RBFOX1: variants seen among roughly 807,000 people sequenced by gnomAD.
RBFOX1 encodes the protein RNA binding protein fox-1 homolog 1.
A neutral mutation model predicts 57.7 loss-of-function variants in RBFOX1; 8 were observed. The observed-to-expected ratio is 0.14, with a 90% CI of 0.08 to 0.25. The LOEUF (loss-of-function observed/expected upper bound fraction) is 0.25. RBFOX1 is among the 10% of genes least tolerant of loss of function. The probability of loss-of-function intolerance (pLI) is 1.00; values close to 1 mark genes in which losing one functional copy is unlikely to be tolerated. For synonymous variants in RBFOX1, 326 were observed against 222.4 expected (o/e 1.47, Z -4.15); for missense variants, 611 against 548.5 (o/e 1.11, Z -1.14).
At chr16:7,606,669 A>G (rs1596385642) in intron 9 of RBFOX1, among the ~76,000 whole-genome samples, 1 of 152,328 alleles carries the variant, frequency 6.6e-6, no homozygotes, top group East Asian at 1.9e-4. Flanking sequence ...CATTAATCAT[A>G]TATACAGATT....
intron 3 of RBFOX1, among the ~76,000 whole-genome samples, chr16:6,871,491 A>G (rs1272893778): frequency 6.6e-6 from 1 of 151,926 alleles, no homozygotes; most frequent in Non-Finnish European, 1.5e-5. Context: ...CGGCCTCAAA[A>G]TCACTCTTGA....
intron 4 of RBFOX1, among the ~76,000 whole-genome samples, chr16:7,349,417 C>T (rs1248055872): frequency 2.0e-5 from 3 of 152,206 alleles, no homozygotes; most frequent in African/African-American, 4.8e-5. Flanking sequence ...CAAAGTATAA[C>T]ATTTTTCCTT....
At chr16:5,463,850 A>G (rs962140844) in intron 1 of RBFOX1, among the ~76,000 whole-genome samples, 1 of 152,142 alleles carries the variant, frequency 6.6e-6, no homozygotes. Context: ...GGCAACAGCA[A>G]GATTACAACA....
chr16:6,109,034 A>G (rs914141408), intron 1 of RBFOX1, among the ~76,000 whole-genome samples: 1 of 152,220 alleles, frequency 6.6e-6, no homozygotes, highest in African/African-American at 2.4e-5. Context: ...GGTGGCGATT[A>G]TTCAGCTTAA....
chr16:5,740,267 G>A (rs1431939258), intron 3 of RBFOX1, among the ~76,000 whole-genome samples: 2 of 152,292 alleles, frequency 1.3e-5, no homozygotes, highest in East Asian at 1.9e-4. Context: ...TCAGAAGTGA[G>A]AGGAGCAAAG....
At chr16:5,680,647 G>C (rs919005554) in intron 3 of RBFOX1, among the ~76,000 whole-genome samples, 2 of 152,218 alleles carry the variant, frequency 1.3e-5, no homozygotes, top group Non-Finnish European at 2.9e-5. Flanking sequence ...AGGAGAAATA[G>C]TTGAGAGGGA....
intron 3 of RBFOX1, among the ~76,000 whole-genome samples, chr16:6,946,996 C>T (rs950015903): frequency 2.6e-5 from 4 of 152,140 alleles, no homozygotes; most frequent in African/African-American, 9.7e-5. Context: ...AGTTTCCTAG[C>T]CCTGTTGGGT....
chr16:7,662,127 GCCT>G (rs2067917674), intron 12 of RBFOX1, among the ~76,000 whole-genome samples: 1 of 152,192 alleles, frequency 6.6e-6, no homozygotes, highest in Non-Finnish European at 1.5e-5. Flanking sequence ...CGTTGGAACA[GCCT>G]CCAAGGCCTG....
intron 1 of RBFOX1, among the ~76,000 whole-genome samples, chr16:5,405,776 C>T (rs1768448096): frequency 6.6e-6 from 1 of 152,132 alleles, no homozygotes; most frequent in South Asian, 2.1e-4. Flanking sequence ...CCAGTGATTG[C>T]TTTGGGTGTG....
intron 7 of RBFOX1, among the ~76,000 whole-genome samples, chr16:7,591,361 A>G (rs1262748045): frequency 1.3e-5 from 2 of 152,190 alleles, no homozygotes; most frequent in Non-Finnish European, 2.9e-5. Flanking sequence ...ATGAAAAATC[A>G]GTACCTTCAT....
intron 1 of RBFOX1, among the ~76,000 whole-genome samples, chr16:5,355,079 G>A (rs117765033): frequency 5.6e-4 from 85 of 151,900 alleles, no homozygotes; most frequent in South Asian, 1.1e-3. Flanking sequence ...AGAAATAAGA[G>A]AGAATAAAAG....
At chr16:6,655,157 T>G (rs1568068494) in intron 3 of RBFOX1, among the ~76,000 whole-genome samples, 1 of 151,508 alleles carries the variant, frequency 6.6e-6, no homozygotes, top group Admixed American at 6.6e-5. Context: ...GTGGATCATC[T>G]GAGGTCAGGA....
intron 2 of RBFOX1, among the ~76,000 whole-genome samples, chr16:6,566,537 C>T (rs149960202): frequency 3.3e-5 from 5 of 152,236 alleles, no homozygotes; most frequent in African/African-American, 1.2e-4. Flanking sequence ...AAACCATAGG[C>T]TGCTTATCCC....
chr16:7,286,616 A>ATTTTTT (rs61621368), intron 4 of RBFOX1, among the ~76,000 whole-genome samples: 4 of 90,922 alleles, frequency 4.4e-5, no homozygotes, highest in Non-Finnish European at 8.3e-5. Flanking sequence ...GGACTGGCTA[A>ATTTTTT]TTTTTTTTTT....
chr16:7,208,003 A>G (rs963533438), intron 4 of RBFOX1, among the ~76,000 whole-genome samples: 3 of 152,094 alleles, frequency 2.0e-5, no homozygotes, highest in African/African-American at 7.2e-5. Flanking sequence ...TCTTTTTTCC[A>G]TCACTCACTG....
intron 2 of RBFOX1, among the ~76,000 whole-genome samples, chr16:6,436,070 T>C (rs1854513329): frequency 6.6e-6 from 1 of 152,182 alleles, no homozygotes; most frequent in Admixed American, 6.5e-5. Context: ...AGAAAAACTC[T>C]GGCTCCTGGA....
At chr16:7,337,924 C>G (rs892924358) in intron 4 of RBFOX1, among the ~76,000 whole-genome samples, 3 of 152,234 alleles carry the variant, frequency 2.0e-5, no homozygotes, top group Non-Finnish European at 2.9e-5. Context: ...ACCTCATGAT[C>G]TGCCCGCCTT....
In RBFOX1 at chr16:5,470,305, G is replaced by C. The variant is rs78058992; in HGVS notation, c.258+3051G>C. The stretch of plus-strand genomic sequence containing the variant: ...AGGAGATCGAGGGAAGGGGAGACAG[G>C]CTCTTCTCACCTAGAGGGACCAAAT... On this transcript the variant is annotated intron_variant, in intron 2 of 2. Transcript: ENST00000585867. Among the ~76,000 whole-genome samples, 35 of 152,276 alleles carry C rather than the reference G, an allele frequency of 2.3e-4. No homozygotes were observed. The East Asian group carries it at 6.6e-3, about 29-fold the overall frequency.
At chr16:6,000,433 G>T (rs2060576898) in intron 4 of RBFOX1, among the ~76,000 whole-genome samples, 1 of 152,152 alleles carries the variant, frequency 6.6e-6, no homozygotes, top group African/African-American at 2.4e-5. Context: ...TTTCCTTTGA[G>T]GAAAGGGGCA....
Sources: gnomAD v4.1 joint callset for allele counts (sites outside exome capture counted in the v4.1 genomes callset) on GRCh38, gnomAD v4.1.1 for gene constraint, MANE v1.5 for transcripts, NCBI Gene and HGNC (gene_info 2026-07-23, HGNC 2026-07-21) for gene names.